Variants in EIPR1 observed in about 807,000 individuals in gnomAD.
EIPR1 encodes EARP and GARP complex-interacting protein 1.
EIPR1 carries 25 observed loss-of-function variants against 48.1 expected under a neutral mutation model. That is an observed-to-expected ratio of 0.52 (90% CI 0.38 to 0.73). The LOEUF (loss-of-function observed/expected upper bound fraction) is 0.73. Ranked by LOEUF, EIPR1 falls within the 30% of genes least tolerant of loss-of-function variation. EIPR1 has a pLI of 0.00. For synonymous variants in EIPR1, 204 were observed against 201.9 expected (o/e 1.01, Z -0.09); for missense variants, 415 against 506.2 (o/e 0.82, Z 1.73).
intron 3 of EIPR1, among the ~76,000 whole-genome samples, chr2:3,321,153 A>G (rs1205676800): frequency 6.6e-6 from 1 of 152,160 alleles, no homozygotes; most frequent in African/African-American, 2.4e-5. Context: ...GCTCCAAACG[A>G]CAGCTCCCTG....
At position 3,198,738 on chromosome 2, in the gene EIPR1, G is replaced by T. The variant is rs1664897189; in HGVS notation, c.517-1721C>A. On this transcript the variant is annotated intron_variant, in intron 5 of 8. Coordinates refer to ENST00000382125, the MANE Select transcript of EIPR1 (RefSeq NM_003310.5). ...TTTATTAGCAATTTTCAAAGGGGAG[G>T]GAGTGTACGAATAGGGTGTGGGTCA... 2.0e-5 allele frequency among the ~76,000 whole-genome samples: 3 copies of T among 152,094 alleles called. No homozygotes were observed. The South Asian group carries it at 6.2e-4, about 31-fold the overall frequency.
chr2:3,226,490 T>C (rs1666070249), intron 4 of EIPR1, among the ~76,000 whole-genome samples: 1 of 152,228 alleles, frequency 6.6e-6, no homozygotes, highest in African/African-American at 2.4e-5. Context: ...TGCTATCGAG[T>C]TGTATGAGTT....
intron 3 of EIPR1, chr2:3,319,141 T>C: frequency 2.9e-6 from 1 of 348,486 alleles, no homozygotes; most frequent in East Asian, 7.4e-5. Context: ...GAGACAATAG[T>C]TACATCTCCA....
At chr2:3,242,178 G>C (rs1444323540) in intron 4 of EIPR1, among the ~76,000 whole-genome samples, 6 of 133,196 alleles carry the variant, frequency 4.5e-5, no homozygotes, top group South Asian at 5.1e-4. Flanking sequence ...CCACACCACA[G>C]GCCCGGCAGC....
chr2:3,229,692 A>G (rs1163256931), intron 4 of EIPR1, among the ~76,000 whole-genome samples: 2 of 152,228 alleles, frequency 1.3e-5, no homozygotes, highest in African/African-American at 4.8e-5. Flanking sequence ...ATGCTGATGA[A>G]TCCACTCTTT....
At chr2:3,279,786 T>A (rs1667964029) in intron 3 of EIPR1, among the ~76,000 whole-genome samples, 1 of 152,234 alleles carries the variant, frequency 6.6e-6, no homozygotes, top group Non-Finnish European at 1.5e-5. Flanking sequence ...ACCAACACCA[T>A]GATGCGAAGT....
At chr2:3,250,567 G>A (rs1039951031) in intron 4 of EIPR1, among the ~76,000 whole-genome samples, 2 of 152,186 alleles carry the variant, frequency 1.3e-5, no homozygotes, top group Admixed American at 6.5e-5. Flanking sequence ...TTTGTGATGT[G>A]AGAAGGACAT....
chr2:3,323,393 C>G (rs1455044042), intron 3 of EIPR1, among the ~76,000 whole-genome samples: 1 of 152,176 alleles, frequency 6.6e-6, no homozygotes, highest in Non-Finnish European at 1.5e-5. Context: ...AATCTGACAC[C>G]ATGAGGACAT....
intron 3 of EIPR1, among the ~76,000 whole-genome samples, chr2:3,273,049 C>T (rs537441388): frequency 8.5e-5 from 13 of 152,064 alleles, no homozygotes; most frequent in African/African-American, 2.2e-4. Flanking sequence ...AGCTACTAGG[C>T]GGTTTGATAT....
At chr2:3,370,832 G>C (rs1230233101) in intron 1 of EIPR1, among the ~76,000 whole-genome samples, 1 of 152,108 alleles carries the variant, frequency 6.6e-6, no homozygotes. Flanking sequence ...TTATCCAGGA[G>C]AACTTCCCCA....
intron 3 of EIPR1, among the ~76,000 whole-genome samples, chr2:3,300,270 G>A (rs763102166): frequency 6.6e-6 from 1 of 152,140 alleles, no homozygotes; most frequent in Non-Finnish European, 1.5e-5. Flanking sequence ...CCATTAAAAC[G>A]ACAGTTTCCC....
At chr2:3,349,530 G>A (rs115925398) in intron 2 of EIPR1, among the ~76,000 whole-genome samples, 4,224 of 152,360 alleles carry the variant, frequency 0.028, 81 homozygotes, top group Non-Finnish European at 0.042. Context: ...GGATAAGGAG[G>A]ACGCTGGGAG....
rs1433382590 is a variant in EIPR1 at position 3,269,343 on chromosome 2, A to AATC, written c.260-11889_260-11888insGAT. Among the ~76,000 whole-genome samples, 8 of 101,068 alleles carry AATC rather than the reference A, an allele frequency of 7.9e-5. 1 individual carries two copies. The highest frequency in any genetic ancestry group is 2.5e-4 in the African/African-American group (6 of 23,826). 66.3% of individuals were successfully genotyped at this position (101,068 alleles called of 152,430 possible). On this transcript the variant is annotated intron_variant, in intron 3 of 8. Transcript: ENST00000382125. ...ATCGCACTCAATCATCATCACACTC[A>AATC]GTCATCGCACTCAGTCATCGCACTC...
intron 3 of EIPR1, among the ~76,000 whole-genome samples, chr2:3,332,523 G>C (rs1329602861): frequency 6.6e-6 from 1 of 152,136 alleles, no homozygotes; most frequent in African/African-American, 2.4e-5. Flanking sequence ...CTCCTCGGAG[G>C]CCAGCCTGCC....
intron 3 of EIPR1, among the ~76,000 whole-genome samples, chr2:3,292,999 G>A (rs1365126292): frequency 6.6e-6 from 1 of 152,220 alleles, no homozygotes; most frequent in Non-Finnish European, 1.5e-5. Context: ...CCGGTCCCAT[G>A]AAGCCTTTCT....
At chr2:3,245,831 G>T (rs1308240092) in intron 4 of EIPR1, among the ~76,000 whole-genome samples, 1 of 152,228 alleles carries the variant, frequency 6.6e-6, no homozygotes, top group Non-Finnish European at 1.5e-5. Context: ...GGCCGAAGTG[G>T]GAGGACTGCT....
chr2:3,286,449 T>A lies in EIPR1; in HGVS notation c.260-28994A>T, dbSNP rs556129495. Among the ~76,000 whole-genome samples the A allele has an allele frequency of 6.6e-6, 1 of 152,178 alleles. No homozygotes were observed. On this transcript the variant is annotated intron_variant, in intron 3 of 8. Transcript: ENST00000382125. This position sits in a 1 kb window ranked among gnomAD's most constrained non-coding sequence, Gnocchi z 4.2. Reference sequence around the variant, plus strand: ...CCAAGGACCCCCGGGGGTGGGGCCATCCTACCAGGCATGTCCTGGGCACAT... The same window carrying A: ...CCAAGGACCCCCGGGGGTGGGGCCAACCTACCAGGCATGTCCTGGGCACAT...
chr2:3,201,967 C>T (rs937267229), intron 5 of EIPR1, among the ~76,000 whole-genome samples: 5 of 152,098 alleles, frequency 3.3e-5, no homozygotes, highest in Admixed American at 2.6e-4. Context: ...GACGGAGTCT[C>T]ACTCTGCCAC....
At chr2:3,259,549 C>T (rs535172501) in intron 3 of EIPR1, among the ~76,000 whole-genome samples, 95 of 152,308 alleles carry the variant, frequency 6.2e-4, no homozygotes, top group African/African-American at 1.9e-3. Flanking sequence ...CGCTATTCAC[C>T]TCTCTCCCCA....
Sources: gnomAD v4.1 joint callset for allele counts (sites outside exome capture counted in the v4.1 genomes callset) on GRCh38, gnomAD v4.1.1 for gene constraint, Gnocchi (gnomAD v3.1) non-coding constraint, MANE v1.5 for transcripts, NCBI Gene and HGNC (gene_info 2026-07-23, HGNC 2026-07-21) for gene names.